Variants in MTMR1 observed in about 807,000 individuals in gnomAD.
The protein encoded by MTMR1 is myotubularin related protein 1.
In MTMR1, 17 loss-of-function variants were observed where a neutral mutation model predicts 51.6. The ratio of observed to expected loss-of-function variants is 0.33; its 90% CI spans 0.23 to 0.49. The LOEUF is 0.49. Among genes scored for constraint, MTMR1 ranks in the 20% least tolerant of loss-of-function variants. MTMR1 has a pLI of 0.99. For synonymous variants in MTMR1, 201 were observed against 205.6 expected (o/e 0.98, Z 0.19); for missense variants, 386 against 526.9 (o/e 0.73, Z 2.62).
intron 15 of MTMR1, among the ~76,000 whole-genome samples, chrX:150,757,704 C>T (rs1222066842): frequency 8.9e-6 from 1 of 111,846 alleles, no homozygotes; most frequent in African/African-American, 3.3e-5. Flanking sequence ...AGTGTTTGAT[C>T]ACCTCTTTCA....
At chrX:150,711,159 A>G (rs1438357032) in intron 2 of MTMR1, among the ~76,000 whole-genome samples, 1 of 112,453 alleles carries the variant, frequency 8.9e-6, no homozygotes, top group Admixed American at 9.4e-5. Context: ...CCATCACCAC[A>G]GTTGAGGTAA....
chrX:150,720,727 A>G (rs782401035), intron 4 of MTMR1, among the ~76,000 whole-genome samples: 1 of 112,336 alleles, frequency 8.9e-6, no homozygotes, highest in Non-Finnish European at 1.9e-5. Context: ...TCGTACCAGT[A>G]TACATTTCTA....
rs183532648 is a variant in MTMR1 at position 150,759,525 on chromosome X, C to T, written c.1858-3040C>T. Among the ~76,000 whole-genome samples the T allele has an allele frequency of 6.9e-4, 75 of 109,279 alleles. 1 individual carries two copies. Among genetic ancestry groups the T allele is most frequent in the African/African-American group, 2.3e-3 (72 of 30,669 alleles). The allele number at this position is 109,279 out of a possible 115,157, so 94.9% of individuals were successfully genotyped here. A position where few individuals can be genotyped will look rare whatever the true frequency, so the allele number is the denominator to read the frequency against. ...AGGAGACCCCCGTACCCCTGCCACGCTCCCCCTTGTGCAGCAGGTTGCAGA... is the reference window on the plus strand; with the variant it reads ...AGGAGACCCCCGTACCCCTGCCACGTTCCCCCTTGTGCAGCAGGTTGCAGA... On this transcript the variant is annotated intron_variant, in intron 15 of 15. Coordinates refer to ENST00000445323, the MANE Select transcript of MTMR1 (RefSeq NM_001306144.3).
At chrX:150,744,265 C>T in intron 12 of MTMR1, 96 bp from the exon 13 acceptor site, 1 of 615,072 alleles carries the variant, frequency 1.6e-6, no homozygotes, top group Non-Finnish European at 2.6e-6. Context: ...TCTATTAGGC[C>T]TGATGAGATG....
At chrX:150,698,888 A>C (rs1446428199) in intron 1 of MTMR1, among the ~76,000 whole-genome samples, 1 of 111,269 alleles carries the variant, frequency 9.0e-6, no homozygotes, top group African/African-American at 3.3e-5. Flanking sequence ...AAAAAGAAGT[A>C]TTTCTTCCAT....
At chrX:150,742,228 C>A (rs1459313696) in intron 12 of MTMR1, among the ~76,000 whole-genome samples, 1 of 112,050 alleles carries the variant, frequency 8.9e-6, no homozygotes, top group Non-Finnish European at 1.9e-5. Flanking sequence ...AACATCTAGG[C>A]TATATGGTAC....
At chrX:150,728,420 C>G (rs954748181) in intron 6 of MTMR1, among the ~76,000 whole-genome samples, 19 of 112,171 alleles carry the variant, frequency 1.7e-4, no homozygotes, top group Middle Eastern at 9.3e-3. Context: ...GAGACCAATA[C>G]ATTTCCCCAG....
intron 2 of MTMR1, among the ~76,000 whole-genome samples, chrX:150,705,262 A>G (rs2041057295): frequency 9.0e-6 from 1 of 111,615 alleles, no homozygotes; most frequent in Admixed American, 9.5e-5. Context: ...GATGTCGTCA[A>G]AGTCCCAAAG....
chrX:150,720,151 G>A (rs2041698279), intron 4 of MTMR1, among the ~76,000 whole-genome samples: 1 of 111,583 alleles, frequency 9.0e-6, no homozygotes, highest in Non-Finnish European at 1.9e-5. Context: ...AGGTCATTGT[G>A]AAGTAAAATA....
rs201825888 is a variant in MTMR1 at position 150,762,601 on chromosome X, G to A, written c.1894G>A (p.Val632Ile). Residue 632 changes from valine (V) to isoleucine (I), a missense_variant, in exon 16 of 16, where the codon GTC (valine) becomes ATC (isoleucine). By Grantham distance (29) the Val-to-Ile change is conservative (BLOSUM62 3). Transcript: ENST00000445323. Reference protein sequence around the residue: ...IHQNLKELLAVRAELQKRVEG... With the variant: ...IHQNLKELLAIRAELQKRVEG... ...CCAGAATCTCAAGGAGCTGCTGGCC[G>A]TCAGGGCGGAGCTGCAGAAGCGTGT... is the stretch of plus-strand genomic sequence containing the variant. The A allele has an allele frequency of 2.3e-4, 283 of 1,210,642 alleles. 3 individuals carry two copies. In the East Asian group the frequency reaches 4.5e-3, roughly 19 times the overall value.
At chrX:150,726,082 G>A (rs1359659748) in intron 4 of MTMR1, among the ~76,000 whole-genome samples, 2 of 111,798 alleles carry the variant, frequency 1.8e-5, no homozygotes, top group African/African-American at 3.3e-5. Context: ...TGTTAGGAAC[G>A]GGGCTGCACA....
rs782069930 is a variant in MTMR1, at chrX:150,759,079, C to T, written c.1857+3214C>T. Among the ~76,000 whole-genome samples, 14 of 112,636 alleles carry T rather than the reference C, an allele frequency of 1.2e-4. No individual in the cohort carries two copies. The Admixed American group carries it at 1.3e-3, about 11-fold the overall frequency. The stretch of plus-strand genomic sequence containing the variant: ...TCTATGTGCAGGGTGACCTGCTGCC[C>T]TGTCACTGGAGTCCAGGTCCAGCAC... On this transcript the variant is annotated intron_variant, in intron 15 of 15. Coordinates refer to ENST00000445323, the MANE Select transcript of MTMR1 (RefSeq NM_001306144.3).
intron 1 of MTMR1, 114 bp downstream of exon 1, chrX:150,693,790 G>C: frequency 1.9e-6 from 1 of 520,004 alleles, no homozygotes; most frequent in South Asian, 9.8e-5. Context: ...TGGCGGGGTG[G>C]GCGGCCCCTC....
chrX:150,746,287 A>T (rs1474111007), intron 13 of MTMR1, among the ~76,000 whole-genome samples: 1 of 111,910 alleles, frequency 8.9e-6, no homozygotes, highest in Non-Finnish European at 1.9e-5. Flanking sequence ...TGGCCAGGTC[A>T]CAGGTGATTA....
intron 1 of MTMR1, 74 bp from the exon 2 acceptor site, chrX:150,699,121 A>G: frequency 1.8e-6 from 1 of 570,852 alleles, no homozygotes; most frequent in Non-Finnish European, 2.7e-6. Context: ...GTGTTATCAT[A>G]TTCCTATTCA....
chrX:150,711,668 C>T (rs782246608), intron 2 of MTMR1, among the ~76,000 whole-genome samples: 8 of 112,394 alleles, frequency 7.1e-5, no homozygotes, highest in Admixed American at 3.7e-4. Flanking sequence ...CCCTCCTCTC[C>T]GGGAACAGCC....
chrX:150,759,850 G>A (rs971120289), intron 15 of MTMR1, among the ~76,000 whole-genome samples: 5 of 109,502 alleles, frequency 4.6e-5, no homozygotes, highest in East Asian at 5.6e-4. Context: ...ATTCCACGAC[G>A]TAGAGAATGA....
intron 14 of MTMR1, among the ~76,000 whole-genome samples, chrX:150,753,190 A>G (rs1557417649): frequency 8.9e-6 from 1 of 112,512 alleles, no homozygotes; most frequent in East Asian, 2.8e-4. Flanking sequence ...TGGCTGAGCA[A>G]TATTCCGTTA....
Position 150,732,626 on chromosome X carries a change from A to G in MTMR1, c.976A>G (p.Lys326Glu), listed in dbSNP as rs782229047. The G allele has an allele frequency of 1.3e-5, 16 of 1,211,593 alleles. No homozygotes were observed. The highest frequency in any genetic ancestry group is 1.7e-5 in the Non-Finnish European group (15 of 895,270). ...TGTGGGTCCCAATGATAAGCGCTGC[A>G]AAGAGGATGAAAAATACTTGCAAAC... Reference protein sequence around the residue: ...PLVGPNDKRCKEDEKYLQTIM... With the variant: ...PLVGPNDKRCEEDEKYLQTIM... Residue 326 changes from lysine (K) to glutamate (E), a missense_variant, in exon 10 of 16, where the codon AAA (lysine) becomes GAA (glutamate). Lys to Glu is a moderately conservative substitution (Grantham distance 56). Transcript: ENST00000445323.
Sources: allele counts gnomAD v4.1 joint callset (sites outside exome capture counted in the v4.1 genomes callset), GRCh38; gene constraint gnomAD v4.1.1; transcripts MANE v1.5; gene names NCBI Gene and HGNC (gene_info 2026-07-23, HGNC 2026-07-21).